The following SEC63 variants were observed in gnomAD, a reference collection of about 807,000 sequenced individuals.
The protein encoded by SEC63 is translocation protein SEC63 homolog.
SEC63 carries 56 observed loss-of-function variants against 116.2 expected under a neutral mutation model. The ratio of observed to expected loss-of-function variants is 0.48; its 90% CI spans 0.39 to 0.60. The LOEUF (loss-of-function observed/expected upper bound fraction) is 0.60, where lower values mean the gene tolerates loss of function less well. SEC63 is among the 20% of genes least tolerant of loss of function. SEC63 has a pLI of 0.00. For synonymous variants in SEC63, 273 were observed against 294.6 expected (o/e 0.93, Z 0.75); for missense variants, 668 against 900.0 (o/e 0.74, Z 3.30).
intron 1 of SEC63, among the ~76,000 whole-genome samples, chr6:107,953,739 G>A (rs1255434999): frequency 6.9e-6 from 1 of 145,210 alleles, no homozygotes; most frequent in Non-Finnish European, 1.5e-5. Context: ...TGTCCGGGAG[G>A]GAGGTGGGGG....
intron 16 of SEC63, among the ~76,000 whole-genome samples, chr6:107,889,896 C>T (rs550101): frequency 2.0e-5 from 3 of 152,054 alleles, no homozygotes; most frequent in South Asian, 2.1e-4. Flanking sequence ...CAGTTCTGAG[C>T]GAGTTTCCTA....
chr6:107,877,298 C>T (rs1300199026), intron 18 of SEC63: 3 of 152,140 alleles, frequency 2.0e-5, no homozygotes, highest in Non-Finnish European at 2.9e-5. Context: ...AAATGTTTTA[C>T]AGCTTAAAAC....
At position 107,868,073 on chromosome 6, in the gene SEC63, G is replaced by A. The variant is rs1327794688; in HGVS notation, c.*3631C>T. On this transcript the variant is annotated 3_prime_UTR_variant, in exon 21 of 21. Coordinates refer to ENST00000369002, the MANE Select transcript of SEC63 (RefSeq NM_007214.5). Reference sequence around the variant, plus strand: ...GCATCAAGTTTAAATGGATGAGAATGCTTGGTGCTAACTTCTTGAGACATA... The same window carrying A: ...GCATCAAGTTTAAATGGATGAGAATACTTGGTGCTAACTTCTTGAGACATA... 1 of 152,078 alleles carries A rather than the reference G, an allele frequency of 6.6e-6. No individual in the cohort carries two copies. Among genetic ancestry groups the A allele is most frequent in the South Asian group, 2.1e-4 (1 of 4,818 alleles). 9.4% of individuals were successfully genotyped at this position (152,078 alleles called of 1,614,324 possible). A position where few individuals can be genotyped will look rare whatever the true frequency, so the allele number is the denominator to read the frequency against.
intron 13 of SEC63, among the ~76,000 whole-genome samples, chr6:107,900,203 T>C (rs936276122): frequency 1.3e-5 from 2 of 152,090 alleles, no homozygotes; most frequent in Admixed American, 1.3e-4. Flanking sequence ...TCTCACTATG[T>C]TGCCCAGGCT....
chr6:107,940,792 TAA>T (rs35107353), intron 1 of SEC63, among the ~76,000 whole-genome samples: 2 of 142,310 alleles, frequency 1.4e-5, no homozygotes, highest in Admixed American at 7.0e-5. Context: ...AAAGTATTCT[TAA>T]AAAAAAAAAA....
intron 19 of SEC63, 91 bp downstream of exon 19, chr6:107,876,473 G>T: frequency 3.6e-6 from 3 of 839,588 alleles, no homozygotes; most frequent in South Asian, 1.4e-5. Flanking sequence ...TGCTAAATAT[G>T]ATAAACTTTT....
intron 4 of SEC63, among the ~76,000 whole-genome samples, chr6:107,920,425 C>CAAAA (rs34816965): frequency 1.3e-3 from 97 of 73,404 alleles, no homozygotes; most frequent in Non-Finnish European, 1.5e-3. Flanking sequence ...GACTCCGTCT[C>CAAAA]AAAAAAAAAA....
intron 5 of SEC63, 128 bp downstream of exon 5, chr6:107,913,238 A>C (rs370458037): frequency 1.4e-6 from 1 of 714,274 alleles, no homozygotes; most frequent in East Asian, 2.7e-5. Context: ...ATGAGAGCTC[A>C]ATTTATCTAT....
chr6:107,946,883 A>C (rs1390240224), intron 1 of SEC63, among the ~76,000 whole-genome samples: 1 of 152,144 alleles, frequency 6.6e-6, no homozygotes, highest in Non-Finnish European at 1.5e-5. Context: ...GGGCTCCTGT[A>C]ATCTCAGCTA....
chr6:107,871,907 T>C, intron 20 of SEC63, 60 bp from the exon 21 acceptor site: 1 of 1,572,078 alleles, frequency 6.4e-7, no homozygotes, highest in Non-Finnish European at 8.7e-7. Context: ...GGAAGAAATC[T>C]TGGTAAACAA....
At position 107,868,593 on chromosome 6, in the gene SEC63, G is replaced by C. The variant is rs1048249009; in HGVS notation, c.*3111C>G. On this transcript the variant is annotated 3_prime_UTR_variant, in exon 21 of 21. Coordinates refer to ENST00000369002, the MANE Select transcript of SEC63 (RefSeq NM_007214.5). ...CGAGACTCCGTCTTAAGAAGAAAAA[G>C]AGAAAGAGAGAAAAAAAGGCCAGCA... The C allele has an allele frequency of 3.4e-5, 5 of 148,266 alleles. No individual in the cohort carries two copies. The highest frequency in any genetic ancestry group is 2.1e-4 in the South Asian group (1 of 4,714). 9.2% of individuals were successfully genotyped at this position (148,266 alleles called of 1,614,324 possible). A position where few individuals can be genotyped will look rare whatever the true frequency, so the allele number is the denominator to read the frequency against.
rs1770751853 is a variant in SEC63 at position 107,958,099 on chromosome 6, T to C, written c.-90A>G. Reference sequence around the variant, plus strand: ...TCCCAACGCCCCGGCCCGAGTGGCGTAGCTTGGACACTGCCGCCGCCGCCT... The same window carrying C: ...TCCCAACGCCCCGGCCCGAGTGGCGCAGCTTGGACACTGCCGCCGCCGCCT... On this transcript the variant is annotated 5_prime_UTR_variant, in exon 1 of 21. Transcript: ENST00000369002. 1.3e-6 allele frequency: 2 copies of C among 1,573,298 alleles called. No homozygotes were observed. Among genetic ancestry groups the C allele is most frequent in the Non-Finnish European group, 1.7e-6 (2 of 1,155,698 alleles).
At chr6:107,899,256 A>T (rs1786939789) in intron 13 of SEC63, among the ~76,000 whole-genome samples, 1 of 152,224 alleles carries the variant, frequency 6.6e-6, no homozygotes, top group Admixed American at 6.5e-5. Context: ...TTCACCAACT[A>T]TAGCACTATT....
In SEC63 at chr6:107,879,724, C is replaced by CTT. The variant is rs67569380; in HGVS notation, c.1935+1423_1935+1424dup. Among the ~76,000 whole-genome samples the CTT allele has an allele frequency of 5.6e-3, 708 of 126,678 alleles. 9 individuals carry two copies. The highest frequency in any genetic ancestry group is 0.011 in the African/African-American group (384 of 33,922). 83.1% of individuals were successfully genotyped at this position (126,678 alleles called of 152,430 possible). On this transcript the variant is annotated intron_variant, in intron 18 of 20. Transcript: ENST00000369002. Reference sequence around the variant, plus strand: ...ATTTTGCTGATAAAATGATTTTTATCTTTTTTTTTTTTTTTTTTGAGACAG... The same window carrying CTT: ...ATTTTGCTGATAAAATGATTTTTATCTTTTTTTTTTTTTTTTTTTTGAGACAG...
intron 7 of SEC63, 190 bp from the exon 8 acceptor site, chr6:107,909,225 A>C (rs1178390597): frequency 4.1e-6 from 2 of 489,672 alleles, no homozygotes; most frequent in Non-Finnish European, 7.4e-6. Context: ...GAAAAATGCA[A>C]ACATTAGCTG....
At position 107,904,621 on chromosome 6, in the gene SEC63, C is replaced by T. The variant is rs1409046999; in HGVS notation, c.1054+8G>A. On this transcript the variant is annotated splice_region_variant and intron_variant, in intron 11 of 20. Coordinates refer to ENST00000369002, the MANE Select transcript of SEC63 (RefSeq NM_007214.5). ...AGTATAACATAATTAACTATATTTC[C>T]TCCTCACCTTCACGGTTCCGGGCCA... 1.9e-6 allele frequency: 3 copies of T among 1,589,700 alleles called. No individual in the cohort carries two copies. Among genetic ancestry groups the T allele is most frequent in the East Asian group, 2.2e-5 (1 of 44,788 alleles).
intron 3 of SEC63, among the ~76,000 whole-genome samples, chr6:107,922,898 G>A (rs1424196139): frequency 1.3e-5 from 2 of 151,888 alleles, no homozygotes; most frequent in African/African-American, 4.8e-5. Flanking sequence ...AAGTGCCATG[G>A]GGGAGAAAAT....
rs1786114811 is a variant in SEC63, at chr6:107,870,867, A to G, written c.*837T>C. The stretch of plus-strand genomic sequence containing the variant: ...TTACTTTCCTTAAAAAGCTCCTGAT[A>G]GAGTCAAGTAGACTGAAAACTAAGG... On this transcript the variant is annotated 3_prime_UTR_variant, in exon 21 of 21. Coordinates refer to ENST00000369002, the MANE Select transcript of SEC63 (RefSeq NM_007214.5). 6.6e-6 allele frequency: 1 copy of G among 152,324 alleles called. No individual in the cohort carries two copies. The highest frequency in any genetic ancestry group is 1.5e-5 in the Non-Finnish European group (1 of 68,032). 9.4% of individuals were successfully genotyped at this position (152,324 alleles called of 1,614,324 possible).
At chr6:107,946,468 G>A (rs1770483202) in intron 1 of SEC63, among the ~76,000 whole-genome samples, 1 of 152,096 alleles carries the variant, frequency 6.6e-6, no homozygotes, top group South Asian at 2.1e-4. Context: ...GCCTCCCAAA[G>A]TGCTGGGATT....
Sources: allele counts gnomAD v4.1 joint callset (sites outside exome capture counted in the v4.1 genomes callset), GRCh38; gene constraint gnomAD v4.1.1; transcripts MANE v1.5; gene names NCBI Gene and HGNC (gene_info 2026-07-23, HGNC 2026-07-21).